NXPH2: variants seen among roughly 807,000 people sequenced by gnomAD.
NXPH2 encodes neurexophilin-2.
NXPH2 carries 5 observed loss-of-function variants against 19.8 expected under a neutral mutation model. The observed-to-expected ratio is 0.25, with a 90% CI of 0.13 to 0.53. NXPH2 has a LOEUF of 0.53. NXPH2 is among the 20% of genes least tolerant of loss of function. The pLI is 0.96. For missense variants in NXPH2, 289 were observed against 322.8 expected, an observed-to-expected ratio of 0.90 and a Z score of 0.80; for synonymous variants, 154 against 127.4, an observed-to-expected ratio of 1.21 and a Z score of -1.41.
chr2:138,709,267 C>A (rs1558918904), intron 1 of NXPH2, among the ~76,000 whole-genome samples: 1 of 152,144 alleles, frequency 6.6e-6, no homozygotes, highest in African/African-American at 2.4e-5. Context: ...CTCTCCCATC[C>A]TAAATCCTAC....
At chr2:138,756,072 G>T (rs1681904723) in intron 1 of NXPH2, among the ~76,000 whole-genome samples, 1 of 151,562 alleles carries the variant, frequency 6.6e-6, no homozygotes, top group Non-Finnish European at 1.5e-5. Flanking sequence ...ATTGTTCTTT[G>T]TATTGATTCT....
intron 1 of NXPH2, among the ~76,000 whole-genome samples, chr2:138,721,869 A>C (rs1195585311): frequency 6.6e-6 from 1 of 152,218 alleles, no homozygotes; most frequent in Non-Finnish European, 1.5e-5. Context: ...CAGCAGGTAG[A>C]TATGAAAGTG....
At chr2:138,730,171 C>T (rs1362163562) in intron 1 of NXPH2, among the ~76,000 whole-genome samples, 1 of 150,832 alleles carries the variant, frequency 6.6e-6, no homozygotes, top group East Asian at 2.0e-4. Context: ...GACTTTTTAA[C>T]CTAAAGTTCC....
At chr2:138,678,814 G>A (rs2104967759) in intron 1 of NXPH2, among the ~76,000 whole-genome samples, 1 of 152,282 alleles carries the variant, frequency 6.6e-6, no homozygotes, top group South Asian at 2.1e-4. Context: ...CAGTTTAGGA[G>A]CCTGCCCATT....
chr2:138,687,792 G>T (rs989412834), intron 1 of NXPH2, among the ~76,000 whole-genome samples: 1 of 152,206 alleles, frequency 6.6e-6, no homozygotes, highest in African/African-American at 2.4e-5. Context: ...TTATTAAATA[G>T]GGAATCCTTT....
intron 1 of NXPH2, among the ~76,000 whole-genome samples, chr2:138,675,695 T>C (rs1359263576): frequency 2.0e-5 from 3 of 152,200 alleles, no homozygotes; most frequent in Non-Finnish European, 4.4e-5. Context: ...TGTCATTATT[T>C]GCTTTTACAA....
intron 1 of NXPH2, among the ~76,000 whole-genome samples, chr2:138,679,372 T>C (rs1680536161): frequency 6.6e-6 from 1 of 151,586 alleles, no homozygotes. Flanking sequence ...TTCACCTACG[T>C]GGCAGCGGGG....
chr2:138,681,567 C>G (rs1680580637), intron 1 of NXPH2, among the ~76,000 whole-genome samples: 1 of 152,130 alleles, frequency 6.6e-6, no homozygotes, highest in Admixed American at 6.5e-5. Flanking sequence ...ATGTAGTCCT[C>G]TACTTATCAA....
intron 1 of NXPH2, among the ~76,000 whole-genome samples, chr2:138,730,799 G>A (rs1438066493): frequency 1.3e-5 from 2 of 152,160 alleles, no homozygotes; most frequent in African/African-American, 4.8e-5. Context: ...CTTGCATTCT[G>A]TCCCAATTCC....
chr2:138,675,800 G>A (rs1680476237), intron 1 of NXPH2, among the ~76,000 whole-genome samples: 1 of 152,030 alleles, frequency 6.6e-6, no homozygotes, highest in Non-Finnish European at 1.5e-5. Context: ...CTACTGTTGA[G>A]GTCCAAACCT....
At chr2:138,722,246 C>A (rs1197916910) in intron 1 of NXPH2, among the ~76,000 whole-genome samples, 1 of 152,182 alleles carries the variant, frequency 6.6e-6, no homozygotes, top group Non-Finnish European at 1.5e-5. Context: ...AGAAAGGAAT[C>A]CGTGAGAAGG....
intron 1 of NXPH2, among the ~76,000 whole-genome samples, chr2:138,771,872 C>G (rs1036615381): frequency 3.9e-5 from 6 of 152,098 alleles, no homozygotes; most frequent in African/African-American, 1.4e-4. Flanking sequence ...CAAAAGAAAT[C>G]TGGGTGGAGA....
intron 1 of NXPH2, among the ~76,000 whole-genome samples, chr2:138,712,933 A>G (rs958229467): frequency 3.9e-5 from 6 of 152,218 alleles, no homozygotes; most frequent in Non-Finnish European, 5.9e-5. Flanking sequence ...CTTGTGATAA[A>G]TTCCTTCCAA....
chr2:138,711,586 T>C (rs1025518860), intron 1 of NXPH2, among the ~76,000 whole-genome samples: 3 of 152,158 alleles, frequency 2.0e-5, no homozygotes, highest in Admixed American at 2.0e-4. Context: ...CAGTATCATA[T>C]ACAGTGCAGA....
chr2:138,728,173 TC>T (rs1246777371), intron 1 of NXPH2, among the ~76,000 whole-genome samples: 3 of 152,094 alleles, frequency 2.0e-5, no homozygotes, highest in Non-Finnish European at 4.4e-5. Context: ...TCTCTCTCTC[TC>T]TCTCTGTCTG....
At chr2:138,771,476 TA>T (rs56296863) in intron 1 of NXPH2, among the ~76,000 whole-genome samples, 9,354 of 141,396 alleles carry the variant, frequency 0.066, 352 homozygotes, top group Middle Eastern at 0.13. Flanking sequence ...TGAGTAGTAC[TA>T]AAAAAAAAAA....
intron 1 of NXPH2, among the ~76,000 whole-genome samples, chr2:138,762,590 T>C (rs1430781791): frequency 6.6e-6 from 1 of 152,174 alleles, no homozygotes; most frequent in Non-Finnish European, 1.5e-5. Context: ...GTACAAAAGA[T>C]GAGAAGGGTT....
intron 1 of NXPH2, among the ~76,000 whole-genome samples, chr2:138,693,725 G>A (rs1346897081): frequency 6.6e-6 from 1 of 152,104 alleles, no homozygotes; most frequent in Non-Finnish European, 1.5e-5. Flanking sequence ...AGAGACAGTA[G>A]GTAGGCAAAC....
chr2:138,713,909 A>G (rs990309715), intron 1 of NXPH2, among the ~76,000 whole-genome samples: 6 of 152,028 alleles, frequency 3.9e-5, no homozygotes, highest in African/African-American at 1.4e-4. Flanking sequence ...ATTAGTTCCT[A>G]TTGGCACATT....
Sources: gnomAD v4.1 joint callset for allele counts (sites outside exome capture counted in the v4.1 genomes callset) on GRCh38, gnomAD v4.1.1 for gene constraint, MANE v1.5 for transcripts, NCBI Gene and HGNC (gene_info 2026-07-23, HGNC 2026-07-21) for gene names.